CHST6: variants seen among roughly 807,000 people sequenced by gnomAD.
The protein encoded by CHST6 is N-acetylglucosamine 6-O-sulfotransferase 5.
For missense variants in CHST6, 698 were observed against 586.2 expected, an observed-to-expected ratio of 1.19 and a Z score of -1.97; for synonymous variants, 309 against 276.4, an observed-to-expected ratio of 1.12 and a Z score of -1.17.
In CHST6 at chr16:75,495,414, C is replaced by T. The variant is rs966350167; in HGVS notation, c.-566G>A. ...CCGCCCGAGCGCACACAATGAGGCG[C>T]TTTCAGACGTGGCTGCGGTCCCGAG... On this transcript the variant is annotated 5_prime_UTR_variant, in exon 1 of 3. Transcript: ENST00000332272. The T allele has an allele frequency of 1.7e-4, 26 of 152,382 alleles. No individual in the cohort carries two copies. Among genetic ancestry groups the T allele is most frequent in the African/African-American group, 5.3e-4 (22 of 41,592 alleles). 9.4% of individuals were successfully genotyped at this position (152,382 alleles called of 1,614,324 possible).
At chr16:75,492,266 A>G (rs958643556) in intron 1 of CHST6, among the ~76,000 whole-genome samples, 1 of 152,238 alleles carries the variant, frequency 6.6e-6, no homozygotes, top group Admixed American at 6.5e-5. Context: ...CTCACAGGGC[A>G]CTTCAAACAG....
chr16:75,484,463 G>C (rs1387706129), intron 1 of CHST6, among the ~76,000 whole-genome samples: 1 of 152,234 alleles, frequency 6.6e-6, no homozygotes, highest in Non-Finnish European at 1.5e-5. Context: ...TCCCATCCTG[G>C]AAGGCCTATC....
In CHST6 at chr16:75,479,270, G is replaced by A; in HGVS notation, c.559C>T (p.Leu187=). The change falls in exon 3 of 3, where the codon CTG becomes TTG. Residue 187 remains leucine, a synonymous_variant. Coordinates refer to ENST00000332272, the MANE Select transcript of CHST6 (RefSeq NM_021615.5). The part of the protein sequence containing the change: ...RFFNLQVLYP[L]LSDPALNLRI... ...AGGTTGAGCGCGGGGTCGCTGAGCAGCGGGTAGAGCACCTGCAGGTTGAAG... is the reference window on the plus strand; with the variant it reads ...AGGTTGAGCGCGGGGTCGCTGAGCAACGGGTAGAGCACCTGCAGGTTGAAG... 1 of 1,612,912 alleles carries A rather than the reference G, an allele frequency of 6.2e-7. No homozygotes were observed. The highest frequency in any genetic ancestry group is 8.5e-7 in the Non-Finnish European group (1 of 1,179,782).
chr16:75,491,161 G>A (rs1298471781), intron 1 of CHST6, among the ~76,000 whole-genome samples: 1 of 41,252 alleles, frequency 2.4e-5, no homozygotes, highest in South Asian at 1.0e-3. Flanking sequence ...GTGAAACTCC[G>A]TCTTAAAAAA....
Position 75,481,866 on chromosome 16 carries a change from G to A in CHST6, c.-66C>T, listed in dbSNP as rs886052323. On this transcript the variant is annotated 5_prime_UTR_variant, in exon 2 of 3. Transcript: ENST00000332272. Reference sequence around the variant, plus strand: ...CTGCAACGCTGATCACAAATCCATGGGAGATGATTAGAGGTTCCTCAGCAC... The same window carrying A: ...CTGCAACGCTGATCACAAATCCATGAGAGATGATTAGAGGTTCCTCAGCAC... The A allele has an allele frequency of 5.2e-6, 3 of 574,090 alleles. No individual in the cohort carries two copies. Among genetic ancestry groups the A allele is most frequent in the Admixed American group, 2.3e-5 (1 of 42,696 alleles). The allele number at this position is 574,090 out of a possible 1,614,324, so 35.6% of individuals were successfully genotyped here.
chr16:75,479,798 C>A lies in CHST6; in HGVS notation c.31G>T (p.Val11Leu). MWLPRVSSTA[V>L]TALLLAQTFL... ...GTCTGCGCCAGGAGGAGCGCGGTCA[C>A]TGCTGTGCTGGAGACGCGCGGCAGC... The change falls in exon 3 of 3, where the codon GTG (valine) becomes TTG (leucine). Residue 11 changes from valine to leucine, a missense_variant. By Grantham distance (32) the Val-to-Leu change is conservative. Coordinates refer to ENST00000332272, the MANE Select transcript of CHST6 (RefSeq NM_021615.5). 1.9e-6 allele frequency: 3 copies of A among 1,576,826 alleles called. No individual in the cohort carries two copies. The highest frequency in any genetic ancestry group is 1.7e-6 in the Non-Finnish European group (2 of 1,163,000).
In CHST6 at chr16:75,473,519, T is replaced by C. The variant is rs996918471; in HGVS notation, c.*5122A>G. The C allele has an allele frequency of 1.3e-5, 2 of 152,146 alleles. No homozygotes were observed. The highest frequency in any genetic ancestry group is 4.8e-5 in the African/African-American group (2 of 41,430). The allele number at this position is 152,146 out of a possible 1,614,324, so 9.4% of individuals were successfully genotyped here. ...CAGCTCAGACTATGCCTTTTTCACA[T>C]AAAAAATGATTTTCAGCTGAAGGCA... On this transcript the variant is annotated 3_prime_UTR_variant, in exon 3 of 3. Coordinates refer to ENST00000332272, the MANE Select transcript of CHST6 (RefSeq NM_021615.5).
intron 1 of CHST6, among the ~76,000 whole-genome samples, chr16:75,484,702 G>C (rs2080176910): frequency 6.6e-6 from 1 of 151,958 alleles, no homozygotes; most frequent in African/African-American, 2.4e-5. Flanking sequence ...AAATTAGCCG[G>C]GTGTGGTGGT....
chr16:75,480,565 G>A (rs1331978856), intron 2 of CHST6, among the ~76,000 whole-genome samples: 2 of 99,692 alleles, frequency 2.0e-5, no homozygotes, highest in Admixed American at 2.3e-4. Flanking sequence ...CTTCTGCAGT[G>A]TATGATTTTT....
chr16:75,488,544 G>T (rs1162022192), intron 1 of CHST6, among the ~76,000 whole-genome samples: 2 of 152,050 alleles, frequency 1.3e-5, no homozygotes, highest in African/African-American at 4.8e-5. Context: ...TGGCCTTGAG[G>T]CATCAAGAGC....
intron 1 of CHST6, 126 bp from the exon 2 acceptor site, chr16:75,482,017 G>A (rs2080147327): frequency 3.8e-6 from 1 of 265,536 alleles, no homozygotes; most frequent in Non-Finnish European, 7.6e-6. Context: ...AACCTCTTAG[G>A]GCTGTGAGAT....
rs1389952404 is a variant in CHST6, at chr16:75,474,402, G to C, written c.*4239C>G. The C allele has an allele frequency of 2.6e-6, 1 of 382,040 alleles. No homozygotes were observed. The highest frequency in any genetic ancestry group is 4.6e-6 in the Non-Finnish European group (1 of 216,144). 23.7% of individuals were successfully genotyped at this position (382,040 alleles called of 1,614,324 possible). ...CAGTCCTCCCAACTCAGCCTCCCAA[G>C]TAGCTAGGACTACAGGTGCACGACA... On this transcript the variant is annotated 3_prime_UTR_variant, in exon 3 of 3. Transcript: ENST00000332272.
intron 1 of CHST6, among the ~76,000 whole-genome samples, chr16:75,487,910 C>T (rs1024370557): frequency 4.6e-5 from 7 of 151,304 alleles, no homozygotes; most frequent in African/African-American, 1.7e-4. Context: ...TCAGGAGAAT[C>T]GCTGGAACCC....
Position 75,474,971 on chromosome 16 carries a change from TTTTAACTAGAAATGGTG to T in CHST6, c.*3653_*3669del, listed in dbSNP as rs1303323830. 2.3e-5 allele frequency: 7 copies of T among 301,018 alleles called. No homozygotes were observed. The highest frequency in any genetic ancestry group is 4.2e-5 in the Non-Finnish European group (7 of 164,730). The allele number at this position is 301,018 out of a possible 1,614,324, so 18.6% of individuals were successfully genotyped here. ...CCACCACACCTGGCTAATTTTTGTATTTTAACTAGAAATGGTGTTTTACCTTGTTGGCCAGGCTGGTC... is the reference window on the plus strand; with the variant it reads ...CCACCACACCTGGCTAATTTTTGTATTTTTACCTTGTTGGCCAGGCTGGTC... On this transcript the variant is annotated 3_prime_UTR_variant, in exon 3 of 3. Transcript: ENST00000332272.
chr16:75,489,957 ACC>A (rs2080238367), intron 1 of CHST6, among the ~76,000 whole-genome samples: 1 of 151,758 alleles, frequency 6.6e-6, no homozygotes, highest in Non-Finnish European at 1.5e-5. Flanking sequence ...TGTGTGGATC[ACC>A]TGAGGTCAGG....
At position 75,479,358 on chromosome 16, in the gene CHST6, G is replaced by T. The variant is rs1456669441; in HGVS notation, c.471C>A (p.Ser157=). 1.9e-6 allele frequency: 3 copies of T among 1,612,726 alleles called. No homozygotes were observed. Among genetic ancestry groups the T allele is most frequent in the Non-Finnish European group, 1.7e-6 (2 of 1,179,798 alleles). The change falls in exon 3 of 3, where the codon TCC becomes TCA. Residue 157 remains serine (S), a synonymous_variant. Coordinates refer to ENST00000332272, the MANE Select transcript of CHST6 (RefSeq NM_021615.5). ...AVCKPLCARQ[S]FTLAREACRS... The stretch of plus-strand genomic sequence containing the variant: ...GGCAGGCCTCCCGGGCCAGGGTGAA[G>T]GACTGCCGCGCGCACAGTGGCTTGC...
intron 2 of CHST6, among the ~76,000 whole-genome samples, chr16:75,480,927 CAA>C (rs60465949): frequency 1.8e-5 from 2 of 111,396 alleles, no homozygotes; most frequent in Non-Finnish European, 3.4e-5. Context: ...AACTTCATTC[CAA>C]AAAAAAAAAA....
Position 75,479,466 on chromosome 16 carries a change from G to A in CHST6, c.363C>T (p.Phe121=). 1.2e-6 allele frequency: 2 copies of A among 1,612,948 alleles called. No individual in the cohort carries two copies. Among genetic ancestry groups the A allele is most frequent in the Non-Finnish European group, 1.7e-6 (2 of 1,179,870 alleles). Residue 121 remains phenylalanine (F), a synonymous_variant, in exon 3 of 3, where the codon TTC becomes TTT. Transcript: ENST00000332272. ...ACAGTGCACGGCTCACGGCCCACTGGAAGAGGTCGGACAGGTTGCGGCGCC... is the reference window on the plus strand; with the variant it reads ...ACAGTGCACGGCTCACGGCCCACTGAAAGAGGTCGGACAGGTTGCGGCGCC... ...LPWRRNLSDL[F]QWAVSRALCS... is the part of the protein sequence containing the mutation.
intron 1 of CHST6, among the ~76,000 whole-genome samples, chr16:75,483,199 C>T (rs1156983527): frequency 6.6e-6 from 1 of 152,208 alleles, no homozygotes; most frequent in Admixed American, 6.5e-5. Flanking sequence ...GCTTCTGGCA[C>T]TTCTGATCCC....
Sources: gnomAD v4.1 joint callset for allele counts (sites outside exome capture counted in the v4.1 genomes callset) on GRCh38, gnomAD v4.1.1 for gene constraint, MANE v1.5 for transcripts, NCBI Gene and HGNC (gene_info 2026-07-23, HGNC 2026-07-21) for gene names.